Variants in PHF20 observed in about 807,000 individuals in gnomAD.
The protein encoded by PHF20 is PHD finger protein 20.
In PHF20, 23 loss-of-function variants were observed where a neutral mutation model predicts 113.5. The observed-to-expected ratio is 0.20, with a 90% CI of 0.15 to 0.29. The LOEUF is 0.29. PHF20 is among the 10% of genes least tolerant of loss of function. The pLI, the probability that PHF20 is intolerant of heterozygous loss-of-function variation, is 1.00. For synonymous variants in PHF20, 434 were observed against 457.3 expected, an observed-to-expected ratio of 0.95 and a Z score of 0.65; for missense variants, 943 against 1,219.6, an observed-to-expected ratio of 0.77 and a Z score of 3.38.
At chr20:35,892,627 T>C (rs1271961496) in intron 9 of PHF20, among the ~76,000 whole-genome samples, 1 of 152,232 alleles carries the variant, frequency 6.6e-6, no homozygotes, top group Non-Finnish European at 1.5e-5. Flanking sequence ...AGAGCTCTAC[T>C]TCTGGAAGAA....
intron 6 of PHF20, among the ~76,000 whole-genome samples, chr20:35,867,541 G>A (rs138102348): frequency 2.4e-4 from 36 of 152,264 alleles, no homozygotes; most frequent in Non-Finnish European, 4.7e-4. Context: ...GATTACAGGC[G>A]TGAGCCACCA....
At chr20:35,909,478 T>A (rs1025643227) in intron 10 of PHF20, among the ~76,000 whole-genome samples, 3 of 152,038 alleles carry the variant, frequency 2.0e-5, no homozygotes, top group Non-Finnish European at 4.4e-5. Flanking sequence ...GTTTTGTTTT[T>A]ATGTTTGGGG....
intron 2 of PHF20, among the ~76,000 whole-genome samples, chr20:35,831,413 C>T (rs2042356849): frequency 6.6e-6 from 1 of 152,158 alleles, no homozygotes; most frequent in Non-Finnish European, 1.5e-5. Flanking sequence ...GGGGATCCTC[C>T]TTCAGCCACC....
intron 9 of PHF20, among the ~76,000 whole-genome samples, chr20:35,893,768 C>A (rs1212882823): frequency 1.3e-5 from 2 of 151,970 alleles, no homozygotes; most frequent in African/African-American, 4.8e-5. Context: ...GCACCTGCCA[C>A]CACGCCCAGC....
chr20:35,834,326 C>T (rs2042404275), intron 2 of PHF20, among the ~76,000 whole-genome samples: 1 of 146,992 alleles, frequency 6.8e-6, no homozygotes, highest in African/African-American at 2.5e-5. Context: ...GATCTCGGCT[C>T]ACCACAACCT....
intron 2 of PHF20, among the ~76,000 whole-genome samples, chr20:35,841,598 C>T (rs990867560): frequency 3.3e-5 from 5 of 151,952 alleles, no homozygotes; most frequent in African/African-American, 7.2e-5. Context: ...GGTGAAATCC[C>T]GTTTCTACTA....
intron 13 of PHF20, among the ~76,000 whole-genome samples, chr20:35,925,090 G>A (rs2147103069): frequency 6.6e-6 from 1 of 151,892 alleles, no homozygotes; most frequent in South Asian, 2.1e-4. Context: ...TCATCTGTCT[G>A]TATATTTGCT....
chr20:35,842,687 C>T lies in PHF20; in HGVS notation c.198C>T (p.Arg66=), dbSNP rs1221866934. Residue 66 remains arginine, a synonymous_variant, in exon 3 of 18, where the codon CGC becomes CGT. Coordinates refer to ENST00000374012, the MANE Select transcript of PHF20 (RefSeq NM_016436.5). Reference sequence around the variant, plus strand: ...TCTGCTGGGACAGTCCTTATTTACGCCCTTTAGAGAAAATACAGCTGAGGA... The same window carrying T: ...TCTGCTGGGACAGTCCTTATTTACGTCCTTTAGAGAAAATACAGCTGAGGA... ...EWFCWDSPYL[R]PLEKIQLRKE... The T allele has an allele frequency of 6.2e-7, 1 of 1,614,058 alleles. No homozygotes were observed. Among genetic ancestry groups the T allele is most frequent in the South Asian group, 1.1e-5 (1 of 91,080 alleles).
chr20:35,914,475 A>G (rs987631623), intron 12 of PHF20, among the ~76,000 whole-genome samples: 5 of 152,214 alleles, frequency 3.3e-5, no homozygotes, highest in Admixed American at 1.3e-4. Flanking sequence ...TAAGTCCTCA[A>G]AAGCATAGAC....
chr20:35,907,644 C>T (rs940167512), intron 10 of PHF20, among the ~76,000 whole-genome samples: 1 of 152,224 alleles, frequency 6.6e-6, no homozygotes, highest in Non-Finnish European at 1.5e-5. Context: ...AGAACAAACC[C>T]TCTGAGGTGG....
At chr20:35,864,452 A>ACACAC (rs59351622) in intron 6 of PHF20, among the ~76,000 whole-genome samples, 6 of 151,080 alleles carry the variant, frequency 4.0e-5, no homozygotes, top group African/African-American at 1.5e-4. Flanking sequence ...ACACACACAC[A>ACACAC]AATATTTTCA....
At chr20:35,839,390 C>CAAA (rs752680212) in intron 2 of PHF20, among the ~76,000 whole-genome samples, 8 of 67,872 alleles carry the variant, frequency 1.2e-4, no homozygotes, top group East Asian at 4.8e-4. Flanking sequence ...GATTCCATCT[C>CAAA]AAAAAAAAAA....
At chr20:35,899,225 T>G in intron 9 of PHF20, 145 bp from the exon 10 acceptor site, 1 of 623,200 alleles carries the variant, frequency 1.6e-6, no homozygotes, top group Non-Finnish European at 2.8e-6. Context: ...CTCTAAACAG[T>G]AATTTGAGGA....
At chr20:35,815,172 G>T (rs1019468222) in intron 2 of PHF20, among the ~76,000 whole-genome samples, 1 of 152,048 alleles carries the variant, frequency 6.6e-6, no homozygotes, top group African/African-American at 2.4e-5. Flanking sequence ...ACTCCATCCT[G>T]GGTGACAGAG....
At chr20:35,870,365 C>T (rs1260584604) in intron 7 of PHF20, among the ~76,000 whole-genome samples, 3 of 150,258 alleles carry the variant, frequency 2.0e-5, no homozygotes, top group Non-Finnish European at 3.0e-5. Flanking sequence ...CCTGTAATCC[C>T]AGCTACTTGG....
chr20:35,936,421 A>G (rs925495430), intron 15 of PHF20, among the ~76,000 whole-genome samples: 1 of 152,200 alleles, frequency 6.6e-6, no homozygotes, highest in Admixed American at 6.5e-5. Flanking sequence ...GTTCTGTAAC[A>G]TCGCTCTATG....
At chr20:35,817,379 G>T (rs2042094779) in intron 2 of PHF20, among the ~76,000 whole-genome samples, 1 of 151,446 alleles carries the variant, frequency 6.6e-6, no homozygotes, top group Admixed American at 6.6e-5. Flanking sequence ...TAAAGATGGG[G>T]TTTCACTAGG....
At position 35,831,276 on chromosome 20, in the gene PHF20, C is replaced by T. The variant is rs368064687; in HGVS notation, c.84-11297C>T. Among the ~76,000 whole-genome samples the T allele has an allele frequency of 3.9e-5, 6 of 152,032 alleles. No homozygotes were observed. The East Asian group carries it at 1.2e-3, about 29-fold the overall frequency. ...CTGGGCTCCAGTGATCCTCTCACCTCAGCCTCTTGAGTAACTGGGACTACA... is the reference window on the plus strand; with the variant it reads ...CTGGGCTCCAGTGATCCTCTCACCTTAGCCTCTTGAGTAACTGGGACTACA... On this transcript the variant is annotated intron_variant, in intron 2 of 17. Transcript: ENST00000374012.
At chr20:35,897,979 G>A (rs1654876961) in intron 9 of PHF20, among the ~76,000 whole-genome samples, 2 of 151,972 alleles carry the variant, frequency 1.3e-5, no homozygotes, top group South Asian at 2.1e-4. Context: ...AGGTTCAAGC[G>A]ATTCTTCTGC....
Sources: allele counts gnomAD v4.1 joint callset (sites outside exome capture counted in the v4.1 genomes callset), GRCh38; gene constraint gnomAD v4.1.1; transcripts MANE v1.5; gene names NCBI Gene and HGNC (gene_info 2026-07-23, HGNC 2026-07-21).